Variants in DIS3L2 observed in about 807,000 individuals in gnomAD.
DIS3L2 encodes DIS3 like 3'-5' exoribonuclease 2, also known as DIS3-like exonuclease 2.
Under a neutral mutation model 97.5 loss-of-function variants are expected in DIS3L2, and 34 were observed. The ratio of observed to expected loss-of-function variants is 0.35; its 90% confidence interval spans 0.27 to 0.46. The LOEUF (loss-of-function observed/expected upper bound fraction) is 0.46. Among genes scored for constraint, DIS3L2 ranks in the 20% least tolerant of loss-of-function variants. The pLI is 1.00. For synonymous variants in DIS3L2, 435 were observed against 445.2 expected (o/e 0.98, Z 0.29); for missense variants, 1,038 against 1,146.0 (o/e 0.91, Z 1.36).
chr2:232,063,846 G>A (rs1050946668), intron 5 of DIS3L2, among the ~76,000 whole-genome samples: 1 of 152,038 alleles, frequency 6.6e-6, no homozygotes, highest in Non-Finnish European at 1.5e-5. Flanking sequence ...CTGTAAGTGG[G>A]AGTAATTTGA....
At chr2:232,314,453 T>C (rs898504776) in intron 14 of DIS3L2, among the ~76,000 whole-genome samples, 3 of 151,686 alleles carry the variant, frequency 2.0e-5, no homozygotes, top group African/African-American at 4.8e-5. Flanking sequence ...CTCAGGGCCC[T>C]GGGGCTGAAG....
intron 5 of DIS3L2, among the ~76,000 whole-genome samples, chr2:232,046,527 A>T (rs1406756704): frequency 1.1e-4 from 16 of 152,214 alleles, no homozygotes; most frequent in Admixed American, 1.0e-3. Context: ...ACATTATTAT[A>T]GCTGGTCCTG....
rs1445271893 is a variant in DIS3L2 at position 232,086,611 on chromosome 2, G to GTATATA, written c.367-875_367-874insATATAT. On this transcript the variant is annotated intron_variant, in intron 5 of 20. Coordinates refer to ENST00000325385, the MANE Select transcript of DIS3L2 (RefSeq NM_152383.5). ...AATATATATATATATATGTGTGTGT[G>GTATATA]TGTATATATATATATATACACATAT... 3.9e-3 allele frequency among the ~76,000 whole-genome samples: 226 copies of GTATATA among 58,038 alleles called. 6 individuals are homozygous for GTATATA. The highest frequency in any genetic ancestry group is 0.024 in the South Asian group (61 of 2,546). The allele number at this position is 58,038 out of a possible 152,430, so 38.1% of individuals were successfully genotyped here. A position where few individuals can be genotyped will look rare whatever the true frequency, so the allele number is the denominator to read the frequency against.
chr2:231,976,624 C>G (rs916039821), intron 1 of DIS3L2, among the ~76,000 whole-genome samples: 4 of 147,862 alleles, frequency 2.7e-5, no homozygotes, highest in East Asian at 2.0e-4. Flanking sequence ...GCGAGACCCT[C>G]TCTCAAAAAA....
At chr2:232,288,562 C>G (rs1249233268) in intron 13 of DIS3L2, among the ~76,000 whole-genome samples, 1 of 152,238 alleles carries the variant, frequency 6.6e-6, no homozygotes, top group Non-Finnish European at 1.5e-5. Context: ...AAGGTCAGAG[C>G]TGCTGGCTCC....
intron 13 of DIS3L2, among the ~76,000 whole-genome samples, chr2:232,296,623 C>T (rs939386177): frequency 6.6e-6 from 1 of 152,210 alleles, no homozygotes; most frequent in African/African-American, 2.4e-5. Flanking sequence ...TTTCCCTGCA[C>T]AAGCCCTCTT....
chr2:231,978,431 T>C (rs1693156778), intron 1 of DIS3L2: 1 of 152,264 alleles, frequency 6.6e-6, no homozygotes, highest in Non-Finnish European at 1.5e-5. Flanking sequence ...TTTGCTTTTT[T>C]CCCATAGCGT....
chr2:232,168,812 T>C (rs893353903), intron 9 of DIS3L2, among the ~76,000 whole-genome samples: 2 of 152,182 alleles, frequency 1.3e-5, no homozygotes, highest in Non-Finnish European at 2.9e-5. Flanking sequence ...GTGATGTAGT[T>C]GGTTAGCATG....
chr2:232,329,785 T>TGC, intron 14 of DIS3L2, 28 bp from the exon 15 acceptor site: 2 of 967,142 alleles, frequency 2.1e-6, no homozygotes, highest in Non-Finnish European at 2.9e-6. Context: ...ACCCCAGCGG[T>TGC]CCCTCCCATC....
chr2:232,141,934 C>T (rs1690057932), intron 8 of DIS3L2, among the ~76,000 whole-genome samples: 1 of 152,092 alleles, frequency 6.6e-6, no homozygotes, highest in African/African-American at 2.4e-5. Flanking sequence ...GAAAATTAAA[C>T]CATGACTAGA....
At chr2:232,139,665 A>C (rs761663955) in intron 8 of DIS3L2, among the ~76,000 whole-genome samples, 46 of 152,000 alleles carry the variant, frequency 3.0e-4, no homozygotes, top group Admixed American at 5.2e-4. Context: ...AATTTGGGGG[A>C]ATTTAGAGGA....
intron 11 of DIS3L2, among the ~76,000 whole-genome samples, chr2:232,241,140 C>T (rs558805240): frequency 7.9e-5 from 12 of 152,336 alleles, no homozygotes; most frequent in Non-Finnish European, 1.6e-4. Context: ...TCCTTTGAAC[C>T]GCTGCTCTGA....
chr2:232,208,526 G>A (rs1692096032), intron 9 of DIS3L2, among the ~76,000 whole-genome samples: 1 of 152,192 alleles, frequency 6.6e-6, no homozygotes, highest in Non-Finnish European at 1.5e-5. Context: ...GGCCAGTCTG[G>A]TTTTGAACTC....
rs1453669091 is a variant in DIS3L2 at position 232,281,449 on chromosome 2, T to C, written c.1659+18009T>C. Among the ~76,000 whole-genome samples the C allele has an allele frequency of 6.6e-6, 1 of 152,152 alleles. No individual in the cohort carries two copies. The highest frequency in any genetic ancestry group is 1.5e-5 in the Non-Finnish European group (1 of 68,016). ...TTTTCTTGAATTCAACTTGGTGCTGTTGAAGCATTTTACATATAGGAGTTG... is the reference window on the plus strand; with the variant it reads ...TTTTCTTGAATTCAACTTGGTGCTGCTGAAGCATTTTACATATAGGAGTTG... On this transcript the variant is annotated intron_variant, in intron 13 of 20. Transcript: ENST00000325385. This position sits in a 1 kb window ranked among gnomAD's most constrained non-coding sequence, Gnocchi z 4.1.
rs536514734 is a variant in DIS3L2 at position 232,128,867 on chromosome 2, A to G, written c.602-1752A>G. Reference sequence around the variant, plus strand: ...TTATATCCATTGACTGTTATCTGTGATTCTCACCTGTAAGGCTTTAAACCT... The same window carrying G: ...TTATATCCATTGACTGTTATCTGTGGTTCTCACCTGTAAGGCTTTAAACCT... On this transcript the variant is annotated intron_variant, in intron 6 of 20. Transcript: ENST00000325385. Among the ~76,000 whole-genome samples, 6 of 152,262 alleles carry G rather than the reference A, an allele frequency of 3.9e-5. No individual in the cohort carries two copies. The East Asian group carries it at 1.2e-3, about 29-fold the overall frequency.
At chr2:232,120,649 C>T (rs1309213262) in intron 6 of DIS3L2, among the ~76,000 whole-genome samples, 1 of 152,100 alleles carries the variant, frequency 6.6e-6, no homozygotes, top group Non-Finnish European at 1.5e-5. Context: ...GAACACAGAG[C>T]TCTGCACATA....
At chr2:231,981,002 G>T (rs1693237718) in intron 1 of DIS3L2, among the ~76,000 whole-genome samples, 1 of 152,080 alleles carries the variant, frequency 6.6e-6, no homozygotes, top group African/African-American at 2.4e-5. Context: ...GGAGTGCAGT[G>T]GTGCGATCTC....
chr2:232,015,496 G>T lies in DIS3L2; in HGVS notation c.53-18G>T, dbSNP rs765044826. On this transcript the variant is annotated intron_variant, in intron 2 of 20. Transcript: ENST00000325385. ...CAGATGTTTGAGGAAAGAGTTGATT[G>T]CTGCCTCCTGTTTCTAGGTGTGTCT... 2.5e-6 allele frequency: 4 copies of T among 1,609,206 alleles called. No individual in the cohort carries two copies. The South Asian group carries it at 3.3e-5, about 13-fold the overall frequency.
intron 6 of DIS3L2, among the ~76,000 whole-genome samples, chr2:232,098,790 C>T (rs73001187): frequency 0.017 from 2,613 of 152,238 alleles, 28 homozygotes; most frequent in Non-Finnish European, 0.021. Flanking sequence ...TAATCCCTTT[C>T]CTAACAGTTT....
Sources: gnomAD v4.1 joint callset for allele counts (sites outside exome capture counted in the v4.1 genomes callset) on GRCh38, gnomAD v4.1.1 for gene constraint, Gnocchi (gnomAD v3.1) non-coding constraint, MANE v1.5 for transcripts, NCBI Gene and HGNC (gene_info 2026-07-23, HGNC 2026-07-21) for gene names.